The following STYK1 variants were observed in gnomAD, a reference collection of about 807,000 sequenced individuals.
The protein encoded by STYK1 is STY kinase 1.
Under a neutral mutation model 48.1 loss-of-function variants are expected in STYK1, and 46 were observed. The ratio of observed to expected loss-of-function variants is 0.96; its 90% CI spans 0.75 to 1.22. STYK1 has a LOEUF of 1.22. STYK1 is among the 50% of genes most tolerant of loss of function. STYK1 has a pLI of 0.00. For synonymous variants in STYK1, 188 were observed against 189.0 expected, an observed-to-expected ratio of 0.99 and a Z score of 0.04; for missense variants, 527 against 521.1, an observed-to-expected ratio of 1.01 and a Z score of -0.11.
chr12:10,664,239 A>G (rs1947811425), intron 1 of STYK1, among the ~76,000 whole-genome samples: 2 of 152,166 alleles, frequency 1.3e-5, no homozygotes, highest in South Asian at 2.1e-4. Flanking sequence ...ACCACAAGGG[A>G]TGATCTAAAT....
intron 1 of STYK1, among the ~76,000 whole-genome samples, chr12:10,669,763 T>C (rs1030719294): frequency 6.6e-6 from 1 of 152,040 alleles, no homozygotes; most frequent in Admixed American, 6.5e-5. Context: ...CCAAAATACA[T>C]AGGGAACTAA....
At chr12:10,641,494 A>G (rs1947544510) in intron 1 of STYK1, among the ~76,000 whole-genome samples, 1 of 152,160 alleles carries the variant, frequency 6.6e-6, no homozygotes, top group Non-Finnish European at 1.5e-5. Flanking sequence ...TCTGGCAGAG[A>G]GGAGGGCCCA....
intron 1 of STYK1, among the ~76,000 whole-genome samples, chr12:10,641,989 C>G (rs765123361): frequency 6.6e-6 from 1 of 152,182 alleles, no homozygotes; most frequent in Non-Finnish European, 1.5e-5. Flanking sequence ...TGTCACCTGA[C>G]CTTGCCATTC....
At chr12:10,630,395 AAAAAAG>A (rs1477447801) in intron 5 of STYK1, among the ~76,000 whole-genome samples, 3 of 149,582 alleles carry the variant, frequency 2.0e-5, no homozygotes, top group African/African-American at 4.9e-5. Flanking sequence ...CAAAAAAAAA[AAAAAAG>A]AAAAAAGAAA....
intron 1 of STYK1, among the ~76,000 whole-genome samples, chr12:10,668,586 G>T (rs1344841467): frequency 1.5e-5 from 2 of 137,228 alleles, no homozygotes. Flanking sequence ...CTAGAGATGG[G>T]GTTTCACCAT....
At chr12:10,628,010 G>T (rs10772339) in intron 6 of STYK1, among the ~76,000 whole-genome samples, 84,788 of 151,996 alleles carry the variant, frequency 0.56, 24,875 homozygotes, top group East Asian at 0.79. Context: ...CTCTGTGTGT[G>T]TGCTTGTGTG....
intron 1 of STYK1, among the ~76,000 whole-genome samples, chr12:10,668,654 CAA>C (rs1947861381): frequency 6.6e-6 from 1 of 150,970 alleles, no homozygotes; most frequent in South Asian, 2.1e-4. Flanking sequence ...CTCAGCCTCC[CAA>C]AGTGTTGGGA....
chr12:10,640,535 C>T (rs2120689922), intron 1 of STYK1: 1 of 152,252 alleles, frequency 6.6e-6, no homozygotes, highest in Non-Finnish European at 1.5e-5. Context: ...TCCCCCATTT[C>T]CTAGAGACCC....
chr12:10,648,045 A>G (rs79550224), intron 1 of STYK1, among the ~76,000 whole-genome samples: 2,475 of 152,280 alleles, frequency 0.016, 57 homozygotes, highest in African/African-American at 0.055. Flanking sequence ...AGAGATTATG[A>G]TGATTATAAA....
At chr12:10,656,153 C>T (rs756632409) in intron 1 of STYK1, among the ~76,000 whole-genome samples, 4 of 152,128 alleles carry the variant, frequency 2.6e-5, no homozygotes, top group Non-Finnish European at 5.9e-5. Flanking sequence ...TGGGAGTTTC[C>T]CTGCACAAGC....
At chr12:10,658,646 T>G (rs757722428) in intron 1 of STYK1, among the ~76,000 whole-genome samples, 3 of 152,166 alleles carry the variant, frequency 2.0e-5, no homozygotes, top group Non-Finnish European at 2.9e-5. Flanking sequence ...TTAGGTCCCC[T>G]AAAGTCCAGA....
intron 7 of STYK1, among the ~76,000 whole-genome samples, chr12:10,626,981 T>C (rs1947366657): frequency 6.6e-6 from 1 of 152,204 alleles, no homozygotes; most frequent in Non-Finnish European, 1.5e-5. Flanking sequence ...CACTCCAGCC[T>C]GGGCAACTGA....
intron 5 of STYK1, 109 bp from the exon 6 acceptor site, chr12:10,629,783 G>A: frequency 7.8e-7 from 1 of 1,282,078 alleles, no homozygotes; most frequent in Non-Finnish European, 1.1e-6. Flanking sequence ...CCCCACATGG[G>A]AGTGAATGAA....
chr12:10,631,111 A>G lies in STYK1; in HGVS notation c.385T>C (p.Phe129Leu). The G allele has an allele frequency of 6.2e-7, 1 of 1,614,202 alleles. No individual in the cohort carries two copies. The highest frequency in any genetic ancestry group is 8.5e-7 in the Non-Finnish European group (1 of 1,180,044). ...TCCCCAGTGTTCATATTGGCTCGAAAGATGGGCCCACAGCTACCACTGCAA... is the reference window on the plus strand; with the variant it reads ...TCCCCAGTGTTCATATTGGCTCGAAGGATGGGCCCACAGCTACCACTGCAA... ...QICSGSCGPI[F>L]RANMNTGDPS... The change falls in exon 5 of 11, where the codon TTT becomes CTT. Residue 129 changes from phenylalanine (F) to leucine (L), a missense_variant. Physicochemically the swap from Phe to Leu is conservative, Grantham distance 22 (BLOSUM62 0). Transcript: ENST00000075503.
intron 5 of STYK1, 67 bp downstream of exon 5, chr12:10,630,978 C>G (rs1947420178): frequency 6.4e-7 from 1 of 1,571,094 alleles, no homozygotes; most frequent in South Asian, 1.1e-5. Flanking sequence ...GTTAACATCT[C>G]AATGTTCGCA....
intron 1 of STYK1, among the ~76,000 whole-genome samples, chr12:10,645,161 G>A (rs1947585634): frequency 6.6e-6 from 1 of 152,172 alleles, no homozygotes; most frequent in African/African-American, 2.4e-5. Context: ...GCTAAAATCT[G>A]ATGACAGGTC....
chr12:10,634,406 C>A (rs531043914), intron 3 of STYK1, among the ~76,000 whole-genome samples, 161 bp downstream of exon 3: 1 of 152,172 alleles, frequency 6.6e-6, no homozygotes, highest in African/African-American at 2.4e-5. Context: ...TTAGCACTTA[C>A]CCTCTCCCCA....
rs1465138453 is a variant in STYK1 at position 10,672,593 on chromosome 12, A to G, written c.-195+1373T>C. Among the ~76,000 whole-genome samples the G allele has an allele frequency of 6.6e-6, 1 of 152,144 alleles. No homozygotes were observed. Among genetic ancestry groups the G allele is most frequent in the East Asian group, 1.9e-4 (1 of 5,178 alleles). ...ATTGTGAACTGCTCATGTGAGGGAT[A>G]TAGGTTGCGAACTCCTTATGAGACT... On this transcript the variant is annotated intron_variant, in intron 1 of 10. Coordinates refer to ENST00000075503, the MANE Select transcript of STYK1 (RefSeq NM_018423.3). This position sits in a 1 kb window ranked among gnomAD's most constrained non-coding sequence, Gnocchi z 4.0.
At chr12:10,632,567 A>C (rs781341201) in intron 4 of STYK1, among the ~76,000 whole-genome samples, 3 of 151,958 alleles carry the variant, frequency 2.0e-5, no homozygotes, top group African/African-American at 7.2e-5. Context: ...AGGCTACTGC[A>C]TGTGTGTGTG....
Sources: allele counts gnomAD v4.1 joint callset (sites outside exome capture counted in the v4.1 genomes callset), GRCh38; gene constraint gnomAD v4.1.1; non-coding constraint Gnocchi (gnomAD v3.1); transcripts MANE v1.5; gene names NCBI Gene and HGNC (gene_info 2026-07-23, HGNC 2026-07-21).